Variants in ASB1 observed in about 807,000 individuals in gnomAD.
ASB1 encodes ankyrin repeat and SOCS box containing 1, also known as ankyrin repeat and SOCS box protein 1.
A neutral mutation model predicts 27.7 loss-of-function variants in ASB1; 18 were observed. That is an observed-to-expected ratio of 0.65 (90% confidence interval 0.45 to 0.96). The LOEUF (loss-of-function observed/expected upper bound fraction) is 0.96, where lower values mean the gene tolerates loss of function less well. Ranked by LOEUF, ASB1 falls within the 50% of genes least tolerant of loss-of-function variation. The pLI, the probability that ASB1 is intolerant of heterozygous loss-of-function variation, is 0.00. For missense variants in ASB1, 397 were observed against 451.7 expected, an observed-to-expected ratio of 0.88 and a Z score of 1.10; for synonymous variants, 189 against 187.6, an observed-to-expected ratio of 1.01 and a Z score of -0.06.
At chr2:238,444,855 T>G in intron 4 of ASB1, 128 bp downstream of exon 4, 1 of 1,002,018 alleles carries the variant, frequency 1.0e-6, no homozygotes, top group Non-Finnish European at 1.4e-6. Flanking sequence ...GAACTCGCAG[T>G]TTTCCAGATG....
At chr2:238,439,317 G>T (rs982534554) in intron 3 of ASB1, among the ~76,000 whole-genome samples, 3 of 152,200 alleles carry the variant, frequency 2.0e-5, no homozygotes, top group African/African-American at 7.2e-5. Flanking sequence ...TGTAGTGGAA[G>T]CCTCGTTGTC....
intron 4 of ASB1, 25 bp from the exon 5 acceptor site, chr2:238,446,359 C>T (rs1460145687): frequency 6.4e-7 from 1 of 1,567,952 alleles, no homozygotes; most frequent in African/African-American, 1.4e-5. Context: ...TCCTCTATCC[C>T]TCTCTTTCTT....
chr2:238,429,486 C>T (rs868629921), intron 1 of ASB1, among the ~76,000 whole-genome samples: 11 of 152,188 alleles, frequency 7.2e-5, no homozygotes, highest in Admixed American at 3.9e-4. Context: ...ATTGTGATGC[C>T]GGTTTATCAC....
At position 238,444,553 on chromosome 2, in the gene ASB1, C is replaced by T. The variant is rs1384726582; in HGVS notation, c.706C>T (p.Pro236Ser). ...CACACAGGGATTCTACAGGGGCTCC[C>T]CTGGGTGCGTCATGGATGCTGTTCT... ...VNTQGFYRGS[P>S]GCVMDAVLRH... The change falls in exon 4 of 5, where the codon CCT becomes TCT. Residue 236 changes from proline (P) to serine (S), a missense_variant. Physicochemically the swap from Pro to Ser is moderately conservative, Grantham distance 74. Transcript: ENST00000264607. 5 of 1,614,204 alleles carry T rather than the reference C, an allele frequency of 3.1e-6. No individual in the cohort carries two copies. Among genetic ancestry groups the T allele is most frequent in the South Asian group, 1.1e-5 (1 of 91,082 alleles).
At chr2:238,440,497 G>C (rs1340618146) in intron 3 of ASB1, among the ~76,000 whole-genome samples, 1 of 152,132 alleles carries the variant, frequency 6.6e-6, no homozygotes, top group Non-Finnish European at 1.5e-5. Flanking sequence ...GTGTTGTCCT[G>C]TTGTCCCCTG....
chr2:238,431,614 T>A (rs939083689), intron 1 of ASB1, among the ~76,000 whole-genome samples: 13 of 152,262 alleles, frequency 8.5e-5, no homozygotes, highest in African/African-American at 3.1e-4. Flanking sequence ...TCATTAAAAT[T>A]AATCATTTCC....
intron 1 of ASB1, chr2:238,427,590 G>C (rs879174666): frequency 6.5e-6 from 1 of 154,722 alleles, no homozygotes; most frequent in Non-Finnish European, 1.4e-5. Context: ...GCACAGACCA[G>C]GGACAACGGG....
Position 238,446,508 on chromosome 2 carries a change from G to T in ASB1, c.1005G>T (p.Glu335Asp). ...CCATAAAGAAGTTTCTACTCCATGAGTAGACTCCAAGTGCTGCGGTTGATT... is the reference window on the plus strand; with the variant it reads ...CCATAAAGAAGTTTCTACTCCATGATTAGACTCCAAGTGCTGCGGTTGATT... ...PDPIKKFLLH[E>D] The change falls in exon 5 of 5, where the codon GAG (glutamate) becomes GAT (aspartate). Residue 335 changes from glutamate to aspartate, a missense_variant. Physicochemically the swap from Glu to Asp is conservative, Grantham distance 45. Transcript: ENST00000264607. 6.2e-7 allele frequency: 1 copy of T among 1,613,920 alleles called. No individual in the cohort carries two copies. Among genetic ancestry groups the T allele is most frequent in the Non-Finnish European group, 8.5e-7 (1 of 1,180,012 alleles).
intron 1 of ASB1, among the ~76,000 whole-genome samples, chr2:238,431,064 G>A (rs1701862972): frequency 6.6e-6 from 1 of 152,238 alleles, no homozygotes. Flanking sequence ...TTTGACGCTA[G>A]GCATTGCCTT....
chr2:238,428,258 C>T (rs947021250), intron 1 of ASB1, among the ~76,000 whole-genome samples: 3 of 152,312 alleles, frequency 2.0e-5, no homozygotes, highest in African/African-American at 7.2e-5. Context: ...AAGAGAGTTC[C>T]TGGGGAATAA....
intron 3 of ASB1, among the ~76,000 whole-genome samples, chr2:238,436,384 G>T (rs554704432): frequency 6.6e-6 from 1 of 152,080 alleles, no homozygotes; most frequent in South Asian, 2.1e-4. Context: ...TTTGTTCTTA[G>T]AGTTATGGAA....
chr2:238,444,307 C>A, intron 3 of ASB1, 35 bp from the exon 4 acceptor site: 3 of 1,574,474 alleles, frequency 1.9e-6, no homozygotes, highest in Admixed American at 3.4e-5. Flanking sequence ...TGGTCAGTCC[C>A]CTGCACAGTC....
intron 1 of ASB1, among the ~76,000 whole-genome samples, chr2:238,431,873 A>G (rs983954711): frequency 1.3e-5 from 2 of 152,234 alleles, no homozygotes; most frequent in South Asian, 4.1e-4. Context: ...ATCACAAATC[A>G]TTCATCACCA....
intron 3 of ASB1, among the ~76,000 whole-genome samples, chr2:238,437,492 A>G (rs1245095601): frequency 6.6e-6 from 1 of 151,788 alleles, no homozygotes; most frequent in Non-Finnish European, 1.5e-5. Flanking sequence ...GGCCTCCCAA[A>G]GTGCTGGTAT....
intron 3 of ASB1, among the ~76,000 whole-genome samples, chr2:238,436,668 T>C (rs570561306): frequency 3.3e-5 from 5 of 152,162 alleles, no homozygotes; most frequent in Non-Finnish European, 7.4e-5. Flanking sequence ...TGGCTTCTTC[T>C]TATTTTTTAA....
At chr2:238,428,294 TCTC>T (rs1315590846) in intron 1 of ASB1, among the ~76,000 whole-genome samples, 5 of 152,068 alleles carry the variant, frequency 3.3e-5, no homozygotes, top group Admixed American at 3.3e-4. Flanking sequence ...GCTGCACAGG[TCTC>T]CTTTTTTTTT....
intron 3 of ASB1, among the ~76,000 whole-genome samples, chr2:238,440,512 G>A (rs1702058767): frequency 6.6e-6 from 1 of 152,138 alleles, no homozygotes; most frequent in Non-Finnish European, 1.5e-5. Flanking sequence ...CCCCTGTGTG[G>A]CACCAGCCAG....
intron 3 of ASB1, among the ~76,000 whole-genome samples, chr2:238,442,416 C>G (rs1466000907): frequency 6.6e-6 from 1 of 152,100 alleles, no homozygotes; most frequent in Non-Finnish European, 1.5e-5. Flanking sequence ...CCCGCCCCAT[C>G]TCTCTAATTT....
intron 4 of ASB1, among the ~76,000 whole-genome samples, chr2:238,445,492 G>A (rs1702162877): frequency 6.6e-6 from 1 of 152,132 alleles, no homozygotes; most frequent in Admixed American, 6.5e-5. Context: ...AAAGTTCCTG[G>A]TCTGCTTATT....
Sources: gnomAD v4.1 joint callset for allele counts (sites outside exome capture counted in the v4.1 genomes callset) on GRCh38, gnomAD v4.1.1 for gene constraint, MANE v1.5 for transcripts, NCBI Gene and HGNC (gene_info 2026-07-23, HGNC 2026-07-21) for gene names.